Variants in ARHGEF6 observed in about 807,000 individuals in gnomAD.
ARHGEF6 encodes the protein Rac/Cdc42 guanine nucleotide exchange factor 6, also known as rho guanine nucleotide exchange factor 6.
In ARHGEF6, 9 loss-of-function variants were observed where a neutral mutation model predicts 70.3. That is an observed-to-expected ratio of 0.13 (90% CI 0.08 to 0.22). ARHGEF6 has a LOEUF of 0.22. Among genes scored for constraint, ARHGEF6 ranks in the 10% least tolerant of loss-of-function variants. The probability of loss-of-function intolerance (pLI) is 1.00; values close to 1 mark genes in which losing one functional copy is unlikely to be tolerated. For synonymous variants in ARHGEF6, 201 were observed against 207.8 expected (o/e 0.97, Z 0.28); for missense variants, 470 against 563.0 (o/e 0.83, Z 1.67).
In ARHGEF6 at chrX:136,767,608, C is replaced by A. The variant is rs1338240823; in HGVS notation, c.249+11806G>T. On this transcript the variant is annotated intron_variant, in intron 2 of 21. Coordinates refer to ENST00000250617, the MANE Select transcript of ARHGEF6 (RefSeq NM_004840.3). ...CCCCGCTGGGTGCGCTGGCTGCGAG[C>A]CGGGCGAGGGTGCGCGGGGTGGCGA... The A allele has an allele frequency of 6.6e-6, 5 of 753,128 alleles. No individual in the cohort carries two copies. In the African/African-American group the frequency reaches 6.9e-5, roughly 10 times the overall value. The allele number at this position is 753,128 out of a possible 1,213,427, so 62.1% of individuals were successfully genotyped here.
intron 2 of ARHGEF6, among the ~76,000 whole-genome samples, chrX:136,764,657 G>A (rs917012587): frequency 9.0e-6 from 1 of 111,312 alleles, no homozygotes; most frequent in Non-Finnish European, 1.9e-5. Flanking sequence ...CTGGGAAGGG[G>A]CACGAGGATA....
intron 5 of ARHGEF6, among the ~76,000 whole-genome samples, chrX:136,743,014 C>T (rs1161697550): frequency 9.0e-6 from 1 of 111,345 alleles, no homozygotes; most frequent in Non-Finnish European, 1.9e-5. Context: ...GAAAAGACTA[C>T]TGAAGAGCAA....
intron 2 of ARHGEF6, among the ~76,000 whole-genome samples, chrX:136,761,371 C>T (rs376693955): frequency 1.8e-5 from 2 of 112,283 alleles, no homozygotes; most frequent in African/African-American, 6.5e-5. Flanking sequence ...ATGGATATCA[C>T]TGGGCTGCAA....
At chrX:136,705,243 A>G (rs1489562482) in intron 9 of ARHGEF6, among the ~76,000 whole-genome samples, 1 of 106,929 alleles carries the variant, frequency 9.4e-6, no homozygotes, top group Non-Finnish European at 1.9e-5. Flanking sequence ...TCTGGGAGGC[A>G]GAGGTTGCAG....
chrX:136,777,258 T>G (rs2077413308), intron 2 of ARHGEF6, among the ~76,000 whole-genome samples: 1 of 110,200 alleles, frequency 9.1e-6, no homozygotes, highest in South Asian at 3.7e-4. Flanking sequence ...AAAAAACAAA[T>G]AATCCCATCA....
At chrX:136,729,977 G>A (rs2076919213) in intron 6 of ARHGEF6, among the ~76,000 whole-genome samples, 1 of 110,143 alleles carries the variant, frequency 9.1e-6, no homozygotes, top group Non-Finnish European at 1.9e-5. Flanking sequence ...AAGAAAATTT[G>A]GCATGAAATT....
chrX:136,758,253 G>A (rs1280541474), intron 2 of ARHGEF6, among the ~76,000 whole-genome samples: 2 of 107,798 alleles, frequency 1.9e-5, no homozygotes, highest in African/African-American at 6.7e-5. Context: ...AGGTCTCACC[G>A]TGTTAGCCAG....
At chrX:136,715,512 AG>A (rs1408309674) in intron 6 of ARHGEF6, among the ~76,000 whole-genome samples, 1 of 111,202 alleles carries the variant, frequency 9.0e-6, no homozygotes, top group Non-Finnish European at 1.9e-5. Flanking sequence ...TAAATCTGTC[AG>A]AAAAGAGAGG....
At chrX:136,732,658 T>C (rs973630303) in intron 5 of ARHGEF6, among the ~76,000 whole-genome samples, 7 of 112,450 alleles carry the variant, frequency 6.2e-5, no homozygotes, top group African/African-American at 2.3e-4. Context: ...CATGACCTAA[T>C]AAATACTTTA....
rs749613490 is a variant in ARHGEF6, at chrX:136,722,089, G to C, written c.733-8719C>G. ...ATTAAAAAAAAAGACCATTCAGTGG[G>C]GAGAGAACTTTTTTTTCAACAAATG... On this transcript the variant is annotated intron_variant, in intron 6 of 21. Coordinates refer to ENST00000250617, the MANE Select transcript of ARHGEF6 (RefSeq NM_004840.3). 1.6e-3 allele frequency among the ~76,000 whole-genome samples: 172 copies of C among 110,004 alleles called. 2 individuals carry two copies. The highest frequency in any genetic ancestry group is 2.9e-3 in the Non-Finnish European group (153 of 52,626).
At chrX:136,696,058 A>G (rs1268525297) in intron 9 of ARHGEF6, among the ~76,000 whole-genome samples, 1 of 111,848 alleles carries the variant, frequency 8.9e-6, no homozygotes, top group Non-Finnish European at 1.9e-5. Context: ...ACTAACATCA[A>G]TCCTGCAAGG....
chrX:136,745,417 T>C, intron 3 of ARHGEF6, 70 bp from the exon 4 acceptor site: 24 of 1,143,438 alleles, frequency 2.1e-5, no homozygotes, highest in South Asian at 5.4e-5. Context: ...CATAACATTA[T>C]CTTTCTCAGG....
chrX:136,731,047 A>T (rs2076930372), intron 6 of ARHGEF6, among the ~76,000 whole-genome samples: 1 of 111,927 alleles, frequency 8.9e-6, no homozygotes, highest in Non-Finnish European at 1.9e-5. Context: ...AGTAAGGGAG[A>T]AGGGAACCTA....
intron 9 of ARHGEF6, among the ~76,000 whole-genome samples, chrX:136,701,336 G>A (rs5975775): frequency 0.04 from 4,445 of 111,551 alleles, 243 homozygotes; most frequent in African/African-American, 0.14. Flanking sequence ...TATTCAAGCT[G>A]CAGAAAGGCA....
At chrX:136,748,881 T>C (rs1354317095) in intron 2 of ARHGEF6, among the ~76,000 whole-genome samples, 2 of 111,860 alleles carry the variant, frequency 1.8e-5, no homozygotes, top group Non-Finnish European at 3.8e-5. Context: ...AATCTGTTTT[T>C]AGAGTGAAAA....
intron 5 of ARHGEF6, among the ~76,000 whole-genome samples, chrX:136,738,075 C>T (rs1177682194): frequency 9.1e-6 from 1 of 109,810 alleles, no homozygotes; most frequent in African/African-American, 3.3e-5. Flanking sequence ...CAGTGTTCAG[C>T]TTAAGCCCTA....
chrX:136,711,258 C>A (rs1040720663), intron 7 of ARHGEF6, among the ~76,000 whole-genome samples: 4 of 111,886 alleles, frequency 3.6e-5, no homozygotes, highest in African/African-American at 1.3e-4. Context: ...CTTACCGTCT[C>A]CCCTCCCAGA....
At chrX:136,691,456 C>T (rs772377932) in intron 9 of ARHGEF6, among the ~76,000 whole-genome samples, 5 of 112,241 alleles carry the variant, frequency 4.5e-5, no homozygotes, top group South Asian at 3.7e-4. Flanking sequence ...TGTTTAGCAC[C>T]GTTCCAAACT....
At chrX:136,668,199 A>C in intron 21 of ARHGEF6, 30 bp from the exon 22 acceptor site, 2 of 1,209,001 alleles carry the variant, frequency 1.7e-6, no homozygotes, top group Non-Finnish European at 1.1e-6. Flanking sequence ...GTTGATTATC[A>C]AACAGAGGGG....
Sources: allele counts gnomAD v4.1 joint callset (sites outside exome capture counted in the v4.1 genomes callset), GRCh38; gene constraint gnomAD v4.1.1; transcripts MANE v1.5; gene names NCBI Gene and HGNC (gene_info 2026-07-23, HGNC 2026-07-21).